STK39: variants seen among roughly 807,000 people sequenced by gnomAD.
The protein encoded by STK39 is serine/threonine kinase 39.
STK39 carries 20 observed loss-of-function variants against 77.8 expected under a neutral mutation model. The observed-to-expected ratio is 0.26, with a 90% CI of 0.18 to 0.37. The LOEUF (loss-of-function observed/expected upper bound fraction) is 0.37, where lower values mean the gene tolerates loss of function less well. Among genes scored for constraint, STK39 ranks in the 10% least tolerant of loss-of-function variants. STK39 has a pLI of 1.00. For synonymous variants in STK39, 246 were observed against 234.1 expected, an observed-to-expected ratio of 1.05 and a Z score of -0.47; for missense variants, 479 against 656.5, an observed-to-expected ratio of 0.73 and a Z score of 2.95.
At chr2:168,093,995 G>A (rs556301145) in intron 10 of STK39, among the ~76,000 whole-genome samples, 1 of 152,298 alleles carries the variant, frequency 6.6e-6, no homozygotes, top group African/African-American at 2.4e-5. Flanking sequence ...CCCTCCACCT[G>A]AGATGGGCCT....
At chr2:168,051,618 T>C (rs1211272501) in intron 14 of STK39, among the ~76,000 whole-genome samples, 1 of 152,132 alleles carries the variant, frequency 6.6e-6, no homozygotes, top group South Asian at 2.1e-4. Context: ...CCCTCCACTC[T>C]ACTCTTTTTT....
At chr2:168,067,428 A>C (rs1685824335) in intron 12 of STK39, among the ~76,000 whole-genome samples, 1 of 152,140 alleles carries the variant, frequency 6.6e-6, no homozygotes, top group Non-Finnish European at 1.5e-5. Context: ...GCTTTCACCA[A>C]ATTATGTGCC....
chr2:168,129,391 G>A (rs538437084), intron 10 of STK39, 150 bp downstream of exon 10: 1 of 815,316 alleles, frequency 1.2e-6, no homozygotes. Context: ...ATAACGAAAA[G>A]GCAAATGCAG....
chr2:168,171,023 CAG>C, intron 2 of STK39, among the ~76,000 whole-genome samples: 1 of 152,210 alleles, frequency 6.6e-6, no homozygotes, highest in East Asian at 1.9e-4. Context: ...GAATTGAACA[CAG>C]TGGCTCCCTT....
At chr2:167,983,753 A>G (rs552828065) in intron 16 of STK39, among the ~76,000 whole-genome samples, 1 of 152,178 alleles carries the variant, frequency 6.6e-6, no homozygotes, top group East Asian at 1.9e-4. Flanking sequence ...CTATCCTGAC[A>G]GCATGCCCCA....
chr2:168,231,861 G>T, intron 1 of STK39: 1 of 230,788 alleles, frequency 4.3e-6, no homozygotes. Context: ...GGTAATAGTA[G>T]GCATCTTTTC....
At chr2:167,992,289 C>T (rs1683720747) in intron 16 of STK39, among the ~76,000 whole-genome samples, 1 of 152,096 alleles carries the variant, frequency 6.6e-6, no homozygotes, top group Admixed American at 6.6e-5. Context: ...AGATAATCCC[C>T]AAATTTTGTT....
chr2:167,964,762 TTA>T, intron 16 of STK39, 36 bp from the exon 17 acceptor site: 1 of 1,550,426 alleles, frequency 6.4e-7, no homozygotes, highest in African/African-American at 1.4e-5. Context: ...AGTTTCCAGA[TTA>T]TTTCCAATAA....
intron 5 of STK39, among the ~76,000 whole-genome samples, chr2:168,156,427 T>G (rs886127591): frequency 1.2e-4 from 19 of 152,182 alleles, no homozygotes; most frequent in Non-Finnish European, 4.4e-5. Flanking sequence ...CAGTCAGATC[T>G]ACACTGCAGA....
intron 14 of STK39, among the ~76,000 whole-genome samples, chr2:168,030,117 G>A (rs540334162): frequency 9.2e-5 from 14 of 152,186 alleles, no homozygotes; most frequent in South Asian, 2.1e-4. Context: ...GGCGGGCGCC[G>A]GTAGTCCAGC....
chr2:168,189,060 AG>A (rs1284863594), intron 1 of STK39, among the ~76,000 whole-genome samples: 2 of 152,208 alleles, frequency 1.3e-5, no homozygotes, highest in Non-Finnish European at 2.9e-5. Flanking sequence ...GCCTCCTTCC[AG>A]GGTTGCTGGA....
chr2:168,066,074 T>G (rs1450617776), intron 12 of STK39, among the ~76,000 whole-genome samples: 1 of 151,672 alleles, frequency 6.6e-6, no homozygotes, highest in East Asian at 1.9e-4. Context: ...GCAATGAAAA[T>G]GAACAAAAAG....
At chr2:168,241,536 A>T (rs1380988798) in intron 1 of STK39, among the ~76,000 whole-genome samples, 1 of 152,202 alleles carries the variant, frequency 6.6e-6, no homozygotes, top group Non-Finnish European at 1.5e-5. Context: ...CTCCCACAGC[A>T]GTGGAGGTGC....
chr2:168,197,035 T>C (rs1280836191), intron 1 of STK39, among the ~76,000 whole-genome samples: 2 of 152,174 alleles, frequency 1.3e-5, no homozygotes, highest in Non-Finnish European at 2.9e-5. Flanking sequence ...CTGGCTTACA[T>C]TGTACAAAGG....
At chr2:168,033,133 G>A (rs995088245) in intron 14 of STK39, among the ~76,000 whole-genome samples, 33 of 152,002 alleles carry the variant, frequency 2.2e-4, no homozygotes, top group Admixed American at 1.4e-3. Context: ...GGATACAATA[G>A]TCGTCCTTAC....
intron 14 of STK39, among the ~76,000 whole-genome samples, chr2:168,018,556 A>G (rs1684485220): frequency 6.9e-6 from 1 of 144,254 alleles, no homozygotes. Flanking sequence ...GAAAGAAAGA[A>G]AGAAAGAAAG....
chr2:168,161,033 C>T (rs1229422892), intron 5 of STK39, among the ~76,000 whole-genome samples: 13 of 152,026 alleles, frequency 8.6e-5, no homozygotes, highest in African/African-American at 3.1e-4. Context: ...TCATCTTACG[C>T]GTCTCTGCAA....
At chr2:168,198,890 T>A (rs1424427954) in intron 1 of STK39, among the ~76,000 whole-genome samples, 1 of 152,256 alleles carries the variant, frequency 6.6e-6, no homozygotes, top group Non-Finnish European at 1.5e-5. Context: ...AACATACAGA[T>A]AAATGTTACA....
chr2:168,062,325 A>AGTACC (rs1472988144), intron 14 of STK39, among the ~76,000 whole-genome samples: 1 of 152,212 alleles, frequency 6.6e-6, no homozygotes, highest in Non-Finnish European at 1.5e-5. Flanking sequence ...AAATGAAAGA[A>AGTACC]GTACCTCGTT....
Sources: allele counts gnomAD v4.1 joint callset (sites outside exome capture counted in the v4.1 genomes callset), GRCh38; gene constraint gnomAD v4.1.1; transcripts MANE v1.5; gene names NCBI Gene and HGNC (gene_info 2026-07-23, HGNC 2026-07-21).